Variants in SLCO1A2 observed in about 807,000 individuals in gnomAD.
The protein encoded by SLCO1A2 is solute carrier organic anion transporter family member 1A2.
Under a neutral mutation model 69.0 loss-of-function variants are expected in SLCO1A2, and 67 were observed. That is an observed-to-expected ratio of 0.97 (90% confidence interval 0.80 to 1.19). The LOEUF is 1.19. SLCO1A2 is among the 50% of genes most tolerant of loss of function. The pLI is 0.00. For synonymous variants in SLCO1A2, 260 were observed against 265.9 expected (o/e 0.98, Z 0.22); for missense variants, 787 against 793.7 (o/e 0.99, Z 0.10).
upstream of SLCO1A2, among the ~76,000 whole-genome samples, chr12:21,398,376 T>C (rs891432789): frequency 1.3e-4 from 14 of 108,668 alleles, no homozygotes; most frequent in Non-Finnish European, 2.9e-4. Context: ...ATTGTGGCAA[T>C]AATCAATAGC....
In SLCO1A2 at chr12:21,332,285, T is replaced by C. The variant is rs368157934; in HGVS notation, c.60+2303A>G. 9.2e-5 allele frequency among the ~76,000 whole-genome samples: 14 copies of C among 152,256 alleles called. 1 individual carries two copies. The highest frequency in any genetic ancestry group is 3.4e-4 in the African/African-American group (14 of 41,552). ...CAGGAACTTGCAGGTCACAGGTAGA[T>C]TTTAAAATGTTCTGATTGGCAATTG... is the stretch of plus-strand genomic sequence containing the variant. On this transcript the variant is annotated intron_variant, in intron 2 of 14. Transcript: ENST00000683939.
At chr12:21,280,976 A>G (rs1418126475) in intron 12 of SLCO1A2, among the ~76,000 whole-genome samples, 6 of 152,192 alleles carry the variant, frequency 3.9e-5, no homozygotes, top group Admixed American at 3.9e-4. Flanking sequence ...AAATTGAGCA[A>G]TATGCTCCTG....
At chr12:21,337,624 C>G (rs543678727), upstream of SLCO1A2, among the ~76,000 whole-genome samples, 1 of 151,812 alleles carries the variant, frequency 6.6e-6, no homozygotes, top group Non-Finnish European at 1.5e-5. Context: ...CAAGAACAGC[C>G]TCTTGGGTGG....
chr12:21,306,075 G>GA (rs372092341), intron 5 of SLCO1A2, among the ~76,000 whole-genome samples: 6 of 150,384 alleles, frequency 4.0e-5, no homozygotes, highest in Admixed American at 6.6e-5. Context: ...AGTAGAGGGG[G>GA]AAAAAAAAAG....
chr12:21,373,390 C>T, intron 2 of SLCO1A2: 2 of 1,613,574 alleles, frequency 1.2e-6, no homozygotes, highest in Non-Finnish European at 1.7e-6. Flanking sequence ...TCATTGTGCT[C>T]TCTGTTGCAT....
intron 1 of SLCO1A2, among the ~76,000 whole-genome samples, chr12:21,400,641 T>C (rs1200498040): frequency 1.3e-5 from 2 of 150,420 alleles, no homozygotes; most frequent in Non-Finnish European, 3.0e-5. Flanking sequence ...TGTCCAACAA[T>C]GATAGACTGG....
rs184681814 is a variant in SLCO1A2, at chr12:21,401,492, A to T, written c.-312+16390T>A. ...ATTATCATGCTTACTGGACCAAAAA[A>T]CCTCCATAATATTATTAAAACCTTT... On this transcript the variant is annotated intron_variant, in intron 1 of 4. Transcript: ENST00000413682. 9.3e-4 allele frequency among the ~76,000 whole-genome samples: 141 copies of T among 151,948 alleles called. 1 individual carries two copies. Among genetic ancestry groups the T allele is most frequent in the Admixed American group, 4.6e-3 (70 of 15,268 alleles).
intron 12 of SLCO1A2, among the ~76,000 whole-genome samples, chr12:21,291,620 A>G (rs1487614557): frequency 3.3e-5 from 5 of 152,148 alleles, no homozygotes; most frequent in Admixed American, 2.6e-4. Flanking sequence ...AAATTTGAAA[A>G]CTGGCTCTGC....
intron 4 of SLCO1A2, among the ~76,000 whole-genome samples, chr12:21,309,545 T>C (rs913169586): frequency 1.3e-5 from 2 of 152,152 alleles, no homozygotes; most frequent in African/African-American, 4.8e-5. Flanking sequence ...TCAAAATCCC[T>C]AGGGAAAATA....
intron 12 of SLCO1A2, among the ~76,000 whole-genome samples, chr12:21,278,044 G>A (rs889884910): frequency 3.3e-5 from 5 of 152,006 alleles, no homozygotes; most frequent in Non-Finnish European, 7.3e-5. Flanking sequence ...TGGCGTAGCA[G>A]CATTCACACA....
At chr12:21,270,387 C>T (rs1232226300) in intron 14 of SLCO1A2, among the ~76,000 whole-genome samples, 1 of 151,562 alleles carries the variant, frequency 6.6e-6, no homozygotes, top group Non-Finnish European at 1.5e-5. Flanking sequence ...TTATACATTA[C>T]TAGATTCAAT....
At chr12:21,365,747 C>G (rs1483493602) in intron 2 of SLCO1A2, among the ~76,000 whole-genome samples, 1 of 152,110 alleles carries the variant, frequency 6.6e-6, no homozygotes, top group Non-Finnish European at 1.5e-5. Context: ...AGGATATGAA[C>G]AGACACTTCT....
intron 3 of SLCO1A2, among the ~76,000 whole-genome samples, chr12:21,315,538 T>A (rs1457143539): frequency 6.6e-6 from 1 of 152,270 alleles, no homozygotes; most frequent in Non-Finnish European, 1.5e-5. Context: ...GACTCAAGAT[T>A]ATAAAAATTT....
At chr12:21,414,527 A>C (rs1257833690) in intron 1 of SLCO1A2, among the ~76,000 whole-genome samples, 1 of 152,038 alleles carries the variant, frequency 6.6e-6, no homozygotes, top group Non-Finnish European at 1.5e-5. Context: ...CTGGGATCTG[A>C]ATGATGCTTG....
At chr12:21,410,950 C>T (rs956516741) in intron 1 of SLCO1A2, among the ~76,000 whole-genome samples, 6 of 151,962 alleles carry the variant, frequency 3.9e-5, no homozygotes, top group Non-Finnish European at 5.9e-5. Flanking sequence ...TTTTTATTAA[C>T]GAGTAAAGAT....
At position 21,287,279 on chromosome 12, in the gene SLCO1A2, A is replaced by G. The variant is rs1237149217; in HGVS notation, c.1610+4885T>C. Among the ~76,000 whole-genome samples the G allele has an allele frequency of 3.1e-3, 470 of 150,028 alleles. 1 individual carries two copies. The highest frequency in any genetic ancestry group is 0.011 in the African/African-American group (436 of 40,260). ...GAAAAATTGCTCATCATCACTGGCC[A>G]TCAGAGAAATGCAAATCAAAACCAC... On this transcript the variant is annotated intron_variant, in intron 12 of 14. Coordinates refer to ENST00000683939, the MANE Select transcript of SLCO1A2 (RefSeq NM_001386879.1).
chr12:21,273,668 C>T (rs977581104), intron 14 of SLCO1A2, among the ~76,000 whole-genome samples: 3 of 152,096 alleles, frequency 2.0e-5, no homozygotes, highest in Non-Finnish European at 2.9e-5. Flanking sequence ...AGAAATCCAC[C>T]GCATACATAG....
intron 2 of SLCO1A2, among the ~76,000 whole-genome samples, chr12:21,367,710 C>T (rs1939495482): frequency 6.6e-6 from 1 of 151,826 alleles, no homozygotes; most frequent in African/African-American, 2.4e-5. Flanking sequence ...TCACGCCATT[C>T]ATCAGAAATT....
At chr12:21,272,999 T>C (rs1943147818) in intron 14 of SLCO1A2, among the ~76,000 whole-genome samples, 1 of 152,152 alleles carries the variant, frequency 6.6e-6, no homozygotes, top group African/African-American at 2.4e-5. Context: ...TAACAGAAGA[T>C]ACAAGACTCA....
Sources: allele counts gnomAD v4.1 joint callset (sites outside exome capture counted in the v4.1 genomes callset), GRCh38; gene constraint gnomAD v4.1.1; transcripts MANE v1.5; gene names NCBI Gene and HGNC (gene_info 2026-07-23, HGNC 2026-07-21).